The following PTDSS2 variants were observed in gnomAD, a reference collection of about 807,000 sequenced individuals.
PTDSS2 encodes phosphatidylserine synthase 2, also known as PSS-2.
A neutral mutation model predicts 64.7 loss-of-function variants in PTDSS2; 41 were observed. The ratio of observed to expected loss-of-function variants is 0.63; its 90% CI spans 0.49 to 0.82. The LOEUF (loss-of-function observed/expected upper bound fraction) is 0.82. PTDSS2 is among the 40% of genes least tolerant of loss of function. The pLI, the probability that PTDSS2 is intolerant of heterozygous loss-of-function variation, is 0.00. For synonymous variants in PTDSS2, 297 were observed against 277.8 expected, an observed-to-expected ratio of 1.07 and a Z score of -0.69; for missense variants, 485 against 650.0, an observed-to-expected ratio of 0.75 and a Z score of 2.76.
chr11:490,158 G>A (rs1334924188), intron 11 of PTDSS2, 90 bp downstream of exon 11: 1 of 1,380,066 alleles, frequency 7.2e-7, no homozygotes, highest in East Asian at 2.4e-5. Context: ...TGTCGTTGGT[G>A]TCTCACTGTC....
At chr11:459,826 C>T (rs1846789964) in intron 1 of PTDSS2, 2 of 232,622 alleles carry the variant, frequency 8.6e-6, no homozygotes, top group Non-Finnish European at 1.7e-5. Context: ...GTTGTTGTCT[C>T]GGCTTGTCTT....
chr11:478,850 A>G (rs1393455580), intron 3 of PTDSS2, among the ~76,000 whole-genome samples: 1 of 152,238 alleles, frequency 6.6e-6, no homozygotes, highest in Non-Finnish European at 1.5e-5. Context: ...GCAACAATTT[A>G]TGGGCAAAAG....
intron 3 of PTDSS2, among the ~76,000 whole-genome samples, chr11:475,768 GTTTGCTGTCATTAGAATGTACTACAT>G: frequency 6.6e-6 from 1 of 152,162 alleles, no homozygotes; most frequent in East Asian, 1.9e-4. Flanking sequence ...ATGACTGCTT[GTTTGCTGTCATTAGAATGTACTACAT>G]TTAACTAACT....
intron 4 of PTDSS2, among the ~76,000 whole-genome samples, chr11:481,848 T>A (rs1019820130): frequency 7.2e-6 from 1 of 138,340 alleles, no homozygotes; most frequent in Non-Finnish European, 1.6e-5. Context: ...TTTCTTTTCT[T>A]TTTTTTTTTT....
chr11:449,721 G>C (rs575425802), upstream of PTDSS2, among the ~76,000 whole-genome samples: 2 of 152,216 alleles, frequency 1.3e-5, no homozygotes, highest in African/African-American at 4.8e-5. Flanking sequence ...AGGCCGAGGC[G>C]GCAGATCACA....
chr11:468,136 T>C (rs1847226985), intron 2 of PTDSS2, among the ~76,000 whole-genome samples: 1 of 152,154 alleles, frequency 6.6e-6, no homozygotes, highest in African/African-American at 2.4e-5. Flanking sequence ...CTCTAAAAGA[T>C]AGTAATGAGC....
At position 479,754 on chromosome 11, in the gene PTDSS2, G is replaced by A. The variant is rs368641176; in HGVS notation, c.435+602G>A. Among the ~76,000 whole-genome samples the A allele has an allele frequency of 4.6e-5, 7 of 152,176 alleles. No homozygotes were observed. Among genetic ancestry groups the A allele is most frequent in the Non-Finnish European group, 5.9e-5 (4 of 68,030 alleles). ...GACGAGCAGGGTGCAGGTGGGAGAC[G>A]CAGCTCCTTTGTAAATCCTGGGTCA... is the stretch of plus-strand genomic sequence containing the variant. On this transcript the variant is annotated intron_variant, in intron 4 of 11. Coordinates refer to ENST00000308020, the MANE Select transcript of PTDSS2 (RefSeq NM_030783.3). This position sits in a 1 kb window ranked among gnomAD's most constrained non-coding sequence, Gnocchi z 4.2.
At position 487,500 on chromosome 11, in the gene PTDSS2, G is replaced by A. The variant is rs756006226; in HGVS notation, c.621+30G>A. On this transcript the variant is annotated intron_variant, in intron 6 of 11. Coordinates refer to ENST00000308020, the MANE Select transcript of PTDSS2 (RefSeq NM_030783.3). The stretch of plus-strand genomic sequence containing the variant: ...GGCACCTCCTCTTCCCGGCCTCCCC[G>A]CCCCGGTTCTGAGGCCTGCCGTGGG... 5.0e-6 allele frequency: 8 copies of A among 1,607,448 alleles called. No individual in the cohort carries two copies. In the Admixed American group the frequency reaches 8.3e-5, roughly 17 times the overall value.
rs969160329 is a variant in PTDSS2, at chr11:470,327, G to A, written c.285-3568G>A. ...AGCCCGGCCATGCAGAGGCATAGTC[G>A]ACCATCTCACTAAGGAACATTCCAC... On this transcript the variant is annotated intron_variant, in intron 2 of 11. Coordinates refer to ENST00000308020, the MANE Select transcript of PTDSS2 (RefSeq NM_030783.3). This position sits in a 1 kb window ranked among gnomAD's most constrained non-coding sequence, Gnocchi z 5.3. 9.2e-5 allele frequency among the ~76,000 whole-genome samples: 14 copies of A among 152,160 alleles called. No individual in the cohort carries two copies. The highest frequency in any genetic ancestry group is 8.5e-4 in the Admixed American group (13 of 15,278).
intron 2 of PTDSS2, among the ~76,000 whole-genome samples, chr11:469,137 G>A (rs868165492): frequency 1.7e-5 from 2 of 115,432 alleles, no homozygotes; most frequent in African/African-American, 3.6e-5. Flanking sequence ...GGAGGAGGAG[G>A]GGAGTCTCTG....
chr11:489,568 C>T lies in PTDSS2; in HGVS notation c.970-20C>T. On this transcript the variant is annotated intron_variant, in intron 9 of 11. Transcript: ENST00000308020. ...GGCGGGCGGGGGGCCAGAGCTGGTGCTCACCCTCTCCTCCCCTAGTTCCTG... is the reference window on the plus strand; with the variant it reads ...GGCGGGCGGGGGGCCAGAGCTGGTGTTCACCCTCTCCTCCCCTAGTTCCTG... The T allele has an allele frequency of 6.2e-7, 1 of 1,607,364 alleles. No individual in the cohort carries two copies. Among genetic ancestry groups the T allele is most frequent in the South Asian group, 1.1e-5 (1 of 90,358 alleles).
Position 490,709 on chromosome 11 carries a change from C to G in PTDSS2, c.*127C>G. On this transcript the variant is annotated 3_prime_UTR_variant, in exon 12 of 12. Transcript: ENST00000308020. ...GGTTTTTTGCTTTTCTCCTGTGCAC[C>G]TGGCGAGGCTGAAGGCGAGGGGTGG... 2.0e-6 allele frequency: 2 copies of G among 994,404 alleles called. No individual in the cohort carries two copies. Among genetic ancestry groups the G allele is most frequent in the South Asian group, 1.7e-5 (1 of 58,738 alleles). 61.6% of individuals were successfully genotyped at this position (994,404 alleles called of 1,614,324 possible). A position where few individuals can be genotyped will look rare whatever the true frequency, so the allele number is the denominator to read the frequency against.
At chr11:468,302 G>T (rs1847234612) in intron 2 of PTDSS2, among the ~76,000 whole-genome samples, 1 of 152,334 alleles carries the variant, frequency 6.6e-6, no homozygotes, top group South Asian at 2.1e-4. Context: ...AACATCAGTT[G>T]TTTCCCGGGG....
intron 3 of PTDSS2, among the ~76,000 whole-genome samples, chr11:474,702 C>G (rs1428536470): frequency 6.6e-6 from 1 of 152,190 alleles, no homozygotes; most frequent in African/African-American, 2.4e-5. Flanking sequence ...CCCTGAGTGG[C>G]CACACGAAGT....
chr11:487,391 G>A (rs761028596), intron 5 of PTDSS2, 29 bp from the exon 6 acceptor site: 5 of 1,611,022 alleles, frequency 3.1e-6, no homozygotes, highest in Admixed American at 3.3e-5. Flanking sequence ...TGTGCCCCAG[G>A]GTCAAGGGTC....
chr11:454,427 A>C (rs1344220169), intron 1 of PTDSS2, among the ~76,000 whole-genome samples: 1 of 152,164 alleles, frequency 6.6e-6, no homozygotes, highest in Non-Finnish European at 1.5e-5. Flanking sequence ...GTTAGGGTTG[A>C]TCAATGATCA....
intron 2 of PTDSS2, among the ~76,000 whole-genome samples, chr11:472,088 A>G (rs34255371): frequency 0.46 from 53,100 of 116,552 alleles, 9,703 homozygotes; most frequent in African/African-American, 0.56. Context: ...CTGGGGTGAC[A>G]CAGATGGTAG....
chr11:463,602 A>T (rs1847000057), intron 2 of PTDSS2: 2 of 151,814 alleles, frequency 1.3e-5, no homozygotes, highest in Admixed American at 1.3e-4. Context: ...GCTGGAGTGC[A>T]GTGGCACAAT....
chr11:449,236 T>C (rs1418147724), upstream of PTDSS2, among the ~76,000 whole-genome samples: 1 of 152,060 alleles, frequency 6.6e-6, no homozygotes, highest in Non-Finnish European at 1.5e-5. Context: ...CCAGGGCAAT[T>C]TTTGTATTTT....
Sources: gnomAD v4.1 joint callset for allele counts (sites outside exome capture counted in the v4.1 genomes callset) on GRCh38, gnomAD v4.1.1 for gene constraint, Gnocchi (gnomAD v3.1) non-coding constraint, MANE v1.5 for transcripts, NCBI Gene and HGNC (gene_info 2026-07-23, HGNC 2026-07-21) for gene names.